The following HDAC9 variants were observed in gnomAD, a reference collection of about 807,000 sequenced individuals.
HDAC9 encodes MEF-2 interacting transcription repressor (MITR) protein.
Under a neutral mutation model 139.4 loss-of-function variants are expected in HDAC9, and 41 were observed. That is an observed-to-expected ratio of 0.29 (90% CI 0.23 to 0.38). The LOEUF is 0.38. Among genes scored for constraint, HDAC9 ranks in the 10% least tolerant of loss-of-function variants. The pLI is 1.00. For synonymous variants in HDAC9, 517 were observed against 476.2 expected, an observed-to-expected ratio of 1.09 and a Z score of -1.12; for missense variants, 1,147 against 1,297.0, an observed-to-expected ratio of 0.88 and a Z score of 1.78.
In HDAC9 at chr7:18,167,153, G is replaced by A. The variant is rs186397921; in HGVS notation, c.25+4804G>A. Among the ~76,000 whole-genome samples the A allele has an allele frequency of 2.4e-4, 37 of 151,680 alleles. No homozygotes were observed. The East Asian group carries it at 6.8e-3, about 28-fold the overall frequency. ...GTTGATCACAGGGTATGGTATTAAT[G>A]GGAAACACTGTATGTTAAAGTTATT... On this transcript the variant is annotated intron_variant, in intron 2 of 12. Transcript: ENST00000417496.
At chr7:18,899,767 G>A (rs1563036941) in intron 22 of HDAC9, among the ~76,000 whole-genome samples, 2 of 151,808 alleles carry the variant, frequency 1.3e-5, no homozygotes, top group African/African-American at 2.4e-5. Context: ...TATAGCCCTA[G>A]TAGTATGGAT....
intron 16 of HDAC9, among the ~76,000 whole-genome samples, chr7:18,791,385 G>A (rs1436750279): frequency 6.6e-6 from 1 of 152,084 alleles, no homozygotes; most frequent in East Asian, 1.9e-4. Flanking sequence ...GTAGTGGTGG[G>A]AAAACTGACT....
intron 2 of HDAC9, among the ~76,000 whole-genome samples, chr7:18,212,018 G>T (rs1791970936): frequency 6.6e-6 from 1 of 152,160 alleles, no homozygotes; most frequent in South Asian, 2.1e-4. Context: ...ACGTTGCTCA[G>T]TGATTCTCTG....
At chr7:18,341,841 T>G (rs1782038547) in intron 1 of HDAC9, among the ~76,000 whole-genome samples, 1 of 151,812 alleles carries the variant, frequency 6.6e-6, no homozygotes, top group African/African-American at 2.4e-5. Context: ...TGAAAAATTT[T>G]TTGTACTTCT....
chr7:18,854,413 G>T lies in HDAC9; in HGVS notation c.2684+18416G>T, dbSNP rs745968993. Among the ~76,000 whole-genome samples, 15 of 152,178 alleles carry T rather than the reference G, an allele frequency of 9.9e-5. No individual in the cohort carries two copies. In the Middle Eastern group the frequency reaches 0.01, roughly 104 times the overall value. On this transcript the variant is annotated intron_variant, in intron 21 of 25. Coordinates refer to ENST00000686413, the MANE Select transcript of HDAC9 (RefSeq NM_178425.4). Reference sequence around the variant, plus strand: ...ATTATGTAAATTATATTCTTATGGGGTTCAAGGTAGTGATCATGATTGTAA... The same window carrying T: ...ATTATGTAAATTATATTCTTATGGGTTTCAAGGTAGTGATCATGATTGTAA...
chr7:18,786,489 C>CCTTT, intron 16 of HDAC9, among the ~76,000 whole-genome samples: 1 of 24,614 alleles, frequency 4.1e-5, no homozygotes, highest in African/African-American at 7.0e-5. Context: ...TTCCTTTCTT[C>CCTTT]CTTCCTTCCT....
intron 7 of HDAC9, among the ~76,000 whole-genome samples, chr7:18,633,483 G>A (rs1193773433): frequency 1.3e-5 from 2 of 152,032 alleles, no homozygotes; most frequent in African/African-American, 4.8e-5. Flanking sequence ...TTTTTTTAAG[G>A]GGATGGGATC....
intron 2 of HDAC9, among the ~76,000 whole-genome samples, chr7:18,168,471 C>A (rs1374391192): frequency 6.6e-6 from 1 of 152,060 alleles, no homozygotes; most frequent in Admixed American, 6.5e-5. Context: ...ACATGTACAG[C>A]CCTTTGTTTA....
At chr7:18,447,084 G>A (rs1303964557) in intron 1 of HDAC9, among the ~76,000 whole-genome samples, 1 of 152,076 alleles carries the variant, frequency 6.6e-6, no homozygotes, top group Admixed American at 6.6e-5. Context: ...AAATAAGATA[G>A]GATTACTGAC....
chr7:18,934,144 T>C (rs929132359), intron 22 of HDAC9, among the ~76,000 whole-genome samples: 25 of 152,060 alleles, frequency 1.6e-4, no homozygotes, highest in African/African-American at 5.8e-4. Flanking sequence ...TGTAAAAATA[T>C]AACTTAGGAC....
chr7:18,929,094 A>T (rs1039167459), intron 22 of HDAC9, among the ~76,000 whole-genome samples: 4 of 152,116 alleles, frequency 2.6e-5, no homozygotes, highest in African/African-American at 9.7e-5. Context: ...ACCTTGAAGG[A>T]TGAATCCTTT....
intron 22 of HDAC9, among the ~76,000 whole-genome samples, chr7:18,891,458 G>T (rs1242999549): frequency 6.6e-6 from 1 of 152,100 alleles, no homozygotes; most frequent in African/African-American, 2.4e-5. Flanking sequence ...TAGTCTCCAG[G>T]GGACTATTTG....
intron 21 of HDAC9, among the ~76,000 whole-genome samples, chr7:18,853,171 G>T (rs1797428784): frequency 6.6e-6 from 1 of 152,118 alleles, no homozygotes; most frequent in Admixed American, 6.6e-5. Flanking sequence ...ATCTTAAGCA[G>T]AGTGATTTAT....
rs139291421 is a variant in HDAC9 at position 18,819,721 on chromosome 7, A to C, written c.2323-9440A>C. On this transcript the variant is annotated intron_variant, in intron 17 of 25. Transcript: ENST00000686413. The stretch of plus-strand genomic sequence containing the variant: ...TGAGTATTCAGTCCTTGAAAGATTA[A>C]TTGTCACTTTTGGTGACATTAAAAT... 6.6e-3 allele frequency among the ~76,000 whole-genome samples: 1,003 copies of C among 152,354 alleles called. 10 individuals carry two copies. Among genetic ancestry groups the C allele is most frequent in the African/African-American group, 0.023 (962 of 41,582 alleles).
intron 2 of HDAC9, among the ~76,000 whole-genome samples, chr7:18,212,298 C>G (rs890991299): frequency 6.6e-6 from 1 of 151,962 alleles, no homozygotes; most frequent in Admixed American, 6.6e-5. Context: ...ATGCTTCTTC[C>G]ATCCAAAGTT....
At chr7:18,148,790 A>C (rs943590148) in intron 1 of HDAC9, among the ~76,000 whole-genome samples, 1 of 152,130 alleles carries the variant, frequency 6.6e-6, no homozygotes, top group Non-Finnish European at 1.5e-5. Context: ...ATCCTTGTGA[A>C]TGCGTTGGGC....
intron 1 of HDAC9, among the ~76,000 whole-genome samples, chr7:18,421,481 T>C (rs1223999484): frequency 2.7e-5 from 4 of 145,634 alleles, no homozygotes; most frequent in African/African-American, 5.1e-5. Flanking sequence ...AATGAAAAAA[T>C]GAAAAGAAAG....
chr7:18,560,310 C>T (rs568406836), intron 2 of HDAC9, among the ~76,000 whole-genome samples: 83 of 152,260 alleles, frequency 5.5e-4, no homozygotes, highest in Non-Finnish European at 9.0e-4. Flanking sequence ...TGAGAATTAA[C>T]TGAGAAAAAT....
chr7:18,952,378 C>T (rs752351522), intron 23 of HDAC9, among the ~76,000 whole-genome samples: 6 of 151,910 alleles, frequency 3.9e-5, no homozygotes, highest in Admixed American at 1.3e-4. Flanking sequence ...CTGCCTATAG[C>T]TTTCTTTCCA....
Sources: gnomAD v4.1 joint callset for allele counts (sites outside exome capture counted in the v4.1 genomes callset) on GRCh38, gnomAD v4.1.1 for gene constraint, MANE v1.5 for transcripts, NCBI Gene and HGNC (gene_info 2026-07-23, HGNC 2026-07-21) for gene names.